MICAL2: variants seen among roughly 807,000 people sequenced by gnomAD.
MICAL2 encodes [F-actin]-monooxygenase MICAL2.
MICAL2 carries 77 observed loss-of-function variants against 127.3 expected under a neutral mutation model. The ratio of observed to expected loss-of-function variants is 0.60; its 90% CI spans 0.50 to 0.73. MICAL2 has a LOEUF of 0.73. MICAL2 is among the 30% of genes least tolerant of loss of function. MICAL2 has a pLI of 0.00. For synonymous variants in MICAL2, 570 were observed against 551.1 expected (o/e 1.03, Z -0.48); for missense variants, 1,351 against 1,434.4 (o/e 0.94, Z 0.94).
intron 18 of MICAL2, among the ~76,000 whole-genome samples, 172 bp downstream of exon 18, chr11:12,241,334 CA>C (rs1399002524): frequency 8.5e-5 from 13 of 152,130 alleles, no homozygotes; most frequent in Non-Finnish European, 1.0e-4. Context: ...TGCAACATCA[CA>C]AAATACATTT....
chr11:12,196,488 T>A (rs906337838), intron 3 of MICAL2, among the ~76,000 whole-genome samples: 1 of 151,794 alleles, frequency 6.6e-6, no homozygotes, highest in African/African-American at 2.4e-5. Context: ...AAGGGAAGGG[T>A]ATAAAGGCTG....
At chr11:12,262,843 T>A (rs1229407275) in intron 27 of MICAL2, 1 of 302,290 alleles carries the variant, frequency 3.3e-6, no homozygotes, top group Non-Finnish European at 6.2e-6. Flanking sequence ...AGCTACCTAC[T>A]TTCTTGGGAG....
chr11:12,300,154 G>A (rs1255386222), intron 29 of MICAL2, among the ~76,000 whole-genome samples: 1 of 152,092 alleles, frequency 6.6e-6, no homozygotes, highest in Non-Finnish European at 1.5e-5. Context: ...AATTATCTGG[G>A]CATGGTGGCA....
intron 29 of MICAL2, among the ~76,000 whole-genome samples, chr11:12,304,735 G>A (rs1864089812): frequency 6.6e-6 from 1 of 151,190 alleles, no homozygotes; most frequent in Non-Finnish European, 1.5e-5. Context: ...TGACAGTTTT[G>A]TTATAAATTA....
chr11:12,235,220 C>A (rs1186773019), intron 15 of MICAL2, among the ~76,000 whole-genome samples: 2 of 152,132 alleles, frequency 1.3e-5, no homozygotes, highest in Non-Finnish European at 2.9e-5. Flanking sequence ...CAGTCTTTCC[C>A]ACTCCAGCCA....
At chr11:12,306,324 G>C (rs1228054472) in intron 29 of MICAL2, among the ~76,000 whole-genome samples, 1 of 151,794 alleles carries the variant, frequency 6.6e-6, no homozygotes, top group East Asian at 1.9e-4. Context: ...TCTTGTGGTT[G>C]CATTATTCTT....
intron 32 of MICAL2, among the ~76,000 whole-genome samples, chr11:12,330,067 C>A (rs1305301357): frequency 1.3e-5 from 2 of 151,984 alleles, no homozygotes; most frequent in African/African-American, 4.8e-5. Flanking sequence ...GTGACAGATG[C>A]AGATCAACAA....
chr11:12,255,172 C>T (rs1862157014), intron 22 of MICAL2: 1 of 158,994 alleles, frequency 6.3e-6, no homozygotes, highest in Non-Finnish European at 1.4e-5. Flanking sequence ...CCCATCTCGG[C>T]CTCCCAAAGT....
At chr11:12,167,774 C>G (rs191528659) in intron 3 of MICAL2, among the ~76,000 whole-genome samples, 12 of 152,222 alleles carry the variant, frequency 7.9e-5, no homozygotes, top group Admixed American at 3.3e-4. Flanking sequence ...GATTGCCAGT[C>G]GGGTTGTACC....
Position 12,224,830 on chromosome 11 carries a change from G to C in MICAL2, c.1688+10G>C. ...TCCGGCCTGAGCTCATGTGAGTCTGGGGCCCAGGCTGGCCCCTGGAGACGA... is the reference window on the plus strand; with the variant it reads ...TCCGGCCTGAGCTCATGTGAGTCTGCGGCCCAGGCTGGCCCCTGGAGACGA... On this transcript the variant is annotated intron_variant, in intron 13 of 27. Coordinates refer to ENST00000683283, the MANE Select transcript of MICAL2 (RefSeq NM_001282663.2). The C allele has an allele frequency of 1.2e-6, 2 of 1,604,446 alleles. No homozygotes were observed. Among genetic ancestry groups the C allele is most frequent in the Non-Finnish European group, 1.7e-6 (2 of 1,171,880 alleles).
intron 1 of MICAL2, among the ~76,000 whole-genome samples, chr11:12,114,222 T>G (rs1411661927): frequency 6.6e-6 from 1 of 152,236 alleles, no homozygotes; most frequent in Non-Finnish European, 1.5e-5. Context: ...CTGAGATATT[T>G]TAAAGCAAAT....
chr11:12,344,405 G>T (rs1408127732), intron 32 of MICAL2, among the ~76,000 whole-genome samples: 1 of 151,492 alleles, frequency 6.6e-6, no homozygotes, highest in South Asian at 2.1e-4. Context: ...AGAGGTCTTG[G>T]AGCACATTTT....
chr11:12,262,211 T>C, intron 26 of MICAL2: 2 of 1,349,812 alleles, frequency 1.5e-6, no homozygotes, highest in Non-Finnish European at 1.9e-6. Flanking sequence ...TGGGAGACGC[T>C]AGAGTAAAAT....
At chr11:12,319,725 G>C (rs753231680) in exon 30 of MICAL2, 1 of 1,613,986 alleles carries the variant, frequency 6.2e-7, no homozygotes, top group South Asian at 1.1e-5. Flanking sequence ...CAGAGCACAG[G>C]TAACAGAGGC....
At chr11:12,164,161 G>A (rs1855189771) in intron 3 of MICAL2, among the ~76,000 whole-genome samples, 1 of 151,930 alleles carries the variant, frequency 6.6e-6, no homozygotes, top group African/African-American at 2.4e-5. Context: ...TACAAGCTTT[G>A]GTAGCTTGAA....
Position 12,297,298 on chromosome 11 carries a change from A to C in MICAL2, c.5212+2441A>C, listed in dbSNP as rs555539135. 3.3e-5 allele frequency among the ~76,000 whole-genome samples: 5 copies of C among 152,200 alleles called. 1 individual carries two copies. In the South Asian group the frequency reaches 1.0e-3, roughly 32 times the overall value. ...ATAACGTGATTGAACATCTTTTTAT[A>C]TGTTGAGAAGCCATTTGCATCTCCT... is the stretch of plus-strand genomic sequence containing the variant. On this transcript the variant is annotated intron_variant, in intron 29 of 34. Coordinates refer to the MICAL2 transcript ENST00000646065.
chr11:12,317,801 A>G (rs538267023), intron 29 of MICAL2, among the ~76,000 whole-genome samples: 1 of 152,102 alleles, frequency 6.6e-6, no homozygotes, highest in South Asian at 2.1e-4. Flanking sequence ...CAAAAAAAAA[A>G]AAAAGTACTA....
intron 1 of MICAL2, among the ~76,000 whole-genome samples, chr11:12,117,067 C>T (rs545996011): frequency 2.6e-5 from 4 of 152,224 alleles, no homozygotes; most frequent in Non-Finnish European, 5.9e-5. Flanking sequence ...TGTCCTGATA[C>T]CTTGAGGCAC....
intron 3 of MICAL2, among the ~76,000 whole-genome samples, chr11:12,188,089 T>C (rs1467408087): frequency 6.6e-6 from 1 of 152,240 alleles, no homozygotes; most frequent in African/African-American, 2.4e-5. Context: ...ACAAGCCACG[T>C]GGCTAGGGCA....
Sources: allele counts gnomAD v4.1 joint callset (sites outside exome capture counted in the v4.1 genomes callset), GRCh38; gene constraint gnomAD v4.1.1; transcripts MANE v1.5; gene names NCBI Gene and HGNC (gene_info 2026-07-23, HGNC 2026-07-21).